SLC16A9: variants seen among roughly 807,000 people sequenced by gnomAD.
SLC16A9 encodes solute carrier family 16 member 9, also known as monocarboxylate transporter 9.
Under a neutral mutation model 44.3 loss-of-function variants are expected in SLC16A9, and 26 were observed. The ratio of observed to expected loss-of-function variants is 0.59; its 90% CI spans 0.43 to 0.81. The LOEUF (loss-of-function observed/expected upper bound fraction) is 0.81. Ranked by LOEUF, SLC16A9 falls within the 40% of genes least tolerant of loss-of-function variation. The pLI is 0.00. For synonymous variants in SLC16A9, 230 were observed against 225.1 expected (o/e 1.02, Z -0.19); for missense variants, 559 against 595.8 (o/e 0.94, Z 0.64).
intron 1 of SLC16A9, among the ~76,000 whole-genome samples, chr10:59,697,001 C>T (rs1268741965): frequency 9.5e-6 from 1 of 104,842 alleles, no homozygotes; most frequent in Non-Finnish European, 2.0e-5. Context: ...GCCCCCCGCC[C>T]GGCCAGCCGC....
chr10:59,677,999 T>C (rs1382307729), intron 2 of SLC16A9, among the ~76,000 whole-genome samples: 3 of 151,540 alleles, frequency 2.0e-5, no homozygotes, highest in Non-Finnish European at 4.4e-5. Flanking sequence ...ACTCGCCCTC[T>C]AGCATTAGGT....
chr10:59,678,523 C>T (rs1241460770), intron 2 of SLC16A9, among the ~76,000 whole-genome samples: 7 of 77,230 alleles, frequency 9.1e-5, no homozygotes, highest in Admixed American at 1.5e-4. Context: ...TCCTACCAAT[C>T]TTTTTTTTTT....
rs542893285 is a variant in SLC16A9 at position 59,659,738 on chromosome 10, A to C, written c.436+4489T>G. On this transcript the variant is annotated intron_variant, in intron 4 of 5. Coordinates refer to ENST00000395348, the MANE Select transcript of SLC16A9 (RefSeq NM_194298.3). ...CACAGCACTTATTCTGAAATAGACC[A>C]CATAATTGGAAGTAAAACACTCCTC... 4.6e-5 allele frequency among the ~76,000 whole-genome samples: 7 copies of C among 152,288 alleles called. No homozygotes were observed. In the East Asian group the frequency reaches 1.4e-3, roughly 29 times the overall value.
At chr10:59,703,875 T>A (rs924727495) in intron 1 of SLC16A9, among the ~76,000 whole-genome samples, 1 of 152,034 alleles carries the variant, frequency 6.6e-6, no homozygotes, top group Non-Finnish European at 1.5e-5. Flanking sequence ...CCCGCCACCA[T>A]GCCTGGCTAA....
At chr10:59,668,254 C>T (rs1408538528) in intron 3 of SLC16A9, among the ~76,000 whole-genome samples, 3 of 152,186 alleles carry the variant, frequency 2.0e-5, no homozygotes, top group Admixed American at 6.5e-5. Flanking sequence ...GACATATTTG[C>T]AACTCCTCAC....
chr10:59,694,024 G>A (rs1389479914), intron 1 of SLC16A9, among the ~76,000 whole-genome samples: 3 of 151,506 alleles, frequency 2.0e-5, no homozygotes, highest in Non-Finnish European at 4.4e-5. Context: ...CACAAGCTCC[G>A]CCTCCCGGGT....
At chr10:59,700,626 AT>A (rs1840501891) in intron 1 of SLC16A9, among the ~76,000 whole-genome samples, 1 of 152,176 alleles carries the variant, frequency 6.6e-6, no homozygotes, top group African/African-American at 2.4e-5. Flanking sequence ...TAAAGTAACT[AT>A]TTAGTAAGTG....
chr10:59,664,203 A>G (rs1200063072), intron 4 of SLC16A9, 24 bp downstream of exon 4: 1 of 1,543,590 alleles, frequency 6.5e-7, no homozygotes, highest in Non-Finnish European at 8.9e-7. Context: ...TGGTGACAAT[A>G]CTGTACTCAT....
chr10:59,658,817 T>G (rs955108934), intron 4 of SLC16A9, among the ~76,000 whole-genome samples: 3 of 152,184 alleles, frequency 2.0e-5, no homozygotes, highest in African/African-American at 7.2e-5. Context: ...TTTTAAAATA[T>G]GTTGGGGAAA....
chr10:59,698,630 G>T (rs569938451), intron 1 of SLC16A9, among the ~76,000 whole-genome samples: 1 of 152,178 alleles, frequency 6.6e-6, no homozygotes, highest in Non-Finnish European at 1.5e-5. Context: ...AGACCCAGGA[G>T]GAGCAGCTCC....
intron 1 of SLC16A9, among the ~76,000 whole-genome samples, chr10:59,704,073 T>C (rs1840587684): frequency 6.6e-6 from 1 of 152,202 alleles, no homozygotes. Flanking sequence ...ATCTGAACTT[T>C]AGGATTCTCT....
At chr10:59,689,061 C>T (rs1295585710) in intron 1 of SLC16A9, among the ~76,000 whole-genome samples, 4 of 152,104 alleles carry the variant, frequency 2.6e-5, no homozygotes, top group Non-Finnish European at 4.4e-5. Context: ...GAGAGCAAAC[C>T]TTGGAAATAC....
At chr10:59,656,493 T>C (rs1230311274) in intron 4 of SLC16A9, among the ~76,000 whole-genome samples, 1 of 152,222 alleles carries the variant, frequency 6.6e-6, no homozygotes, top group African/African-American at 2.4e-5. Flanking sequence ...ACACATAAGA[T>C]AGCAGAGAAT....
At position 59,696,953 on chromosome 10, in the gene SLC16A9, G is replaced by A. The variant is rs1415393147; in HGVS notation, c.-37+12526C>T. 1.1e-4 allele frequency among the ~76,000 whole-genome samples: 16 copies of A among 141,416 alleles called. 1 individual carries two copies. Among genetic ancestry groups the A allele is most frequent in the Admixed American group, 2.1e-4 (3 of 14,510 alleles). The allele number at this position is 141,416 out of a possible 152,430, so 92.8% of individuals were successfully genotyped here. Reference sequence around the variant, plus strand: ...GAGGTGGGGGGTCAGCCCCCCGCCCGGCCAGCCGCCCCGTCCAGAAGGGAG... The same window carrying A: ...GAGGTGGGGGGTCAGCCCCCCGCCCAGCCAGCCGCCCCGTCCAGAAGGGAG... On this transcript the variant is annotated intron_variant, in intron 1 of 5. Transcript: ENST00000395348.
In SLC16A9 at chr10:59,654,327, A is replaced by G; in HGVS notation, c.699T>C (p.Ser233=). ...ACGTGATCCTGCATTTTTCCTCACT[A>G]CTGTAGCTCTTGTCAAGAATGTTTA... is the stretch of plus-strand genomic sequence containing the variant. The part of the protein sequence containing the change: ...ENINILDKSY[S]SEEKCRITLA... Residue 233 remains serine (S), a synonymous_variant, in exon 5 of 6, where the codon AGT becomes AGC. Transcript: ENST00000395348. 6.2e-7 allele frequency: 1 copy of G among 1,613,972 alleles called. No individual in the cohort carries two copies. Among genetic ancestry groups the G allele is most frequent in the Non-Finnish European group, 8.5e-7 (1 of 1,179,970 alleles).
chr10:59,684,215 C>A lies in SLC16A9; in HGVS notation c.77G>T (p.Cys26Phe), dbSNP rs772860872. 6.2e-7 allele frequency: 1 copy of A among 1,614,016 alleles called. No homozygotes were observed. Among genetic ancestry groups the A allele is most frequent in the East Asian group, 2.2e-5 (1 of 44,860 alleles). The stretch of plus-strand genomic sequence containing the variant: ...TCCAACAGCTAGTGGGGATCCGTAA[C>A]ACAAAAACTGAGTAAGGAAGGAGAC... ...VFVSFLTQFLCYGSPLAVGVL... is the reference protein window; with the variant it reads ...VFVSFLTQFLFYGSPLAVGVL... Residue 26 changes from cysteine (C) to phenylalanine (F), a missense_variant, in exon 2 of 6, where the codon TGT becomes TTT. Coordinates refer to ENST00000395348, the MANE Select transcript of SLC16A9 (RefSeq NM_194298.3).
At chr10:59,706,653 A>ACACACACACACACACACACACAC (rs1564716471) in intron 1 of SLC16A9, among the ~76,000 whole-genome samples, 3 of 152,016 alleles carry the variant, frequency 2.0e-5, no homozygotes, top group African/African-American at 7.2e-5. Flanking sequence ...ACACACACAC[A>ACACACACACACACACACACACAC]ATAGGAGACT....
chr10:59,654,051 T>A lies in SLC16A9; in HGVS notation c.975A>T (p.Leu325Phe). The A allele has an allele frequency of 6.2e-7, 1 of 1,614,076 alleles. No homozygotes were observed. Among genetic ancestry groups the A allele is most frequent in the Non-Finnish European group, 8.5e-7 (1 of 1,180,028 alleles). ...LFDIGGFPPS[L>F]LMEDVARSSN... ...AACTTCTTGCTACATCTTCCATAAGTAATGAAGGTGGAAACCCTCCGATGT... is the reference window on the plus strand; with the variant it reads ...AACTTCTTGCTACATCTTCCATAAGAAATGAAGGTGGAAACCCTCCGATGT... Residue 325 changes from leucine to phenylalanine, a missense_variant, in exon 5 of 6, where the codon TTA (leucine) becomes TTT (phenylalanine). Coordinates refer to ENST00000395348, the MANE Select transcript of SLC16A9 (RefSeq NM_194298.3).
At chr10:59,691,466 C>T (rs990829760) in intron 1 of SLC16A9, among the ~76,000 whole-genome samples, 1 of 152,118 alleles carries the variant, frequency 6.6e-6, no homozygotes, top group Admixed American at 6.5e-5. Flanking sequence ...TCTTTCTTAA[C>T]TTTAACTTAA....
Sources: allele counts gnomAD v4.1 joint callset (sites outside exome capture counted in the v4.1 genomes callset), GRCh38; gene constraint gnomAD v4.1.1; transcripts MANE v1.5; gene names NCBI Gene and HGNC (gene_info 2026-07-23, HGNC 2026-07-21).